The following NLRP3 variants were observed in gnomAD, a reference collection of about 807,000 sequenced individuals.
NLRP3 encodes NACHT, LRR and PYD domains-containing protein 3.
In NLRP3, 48 loss-of-function variants were observed where a neutral mutation model predicts 91.3. That is an observed-to-expected ratio of 0.53 (90% CI 0.42 to 0.67). The LOEUF (loss-of-function observed/expected upper bound fraction) is 0.67, where lower values mean the gene tolerates loss of function less well. Among genes scored for constraint, NLRP3 ranks in the 30% least tolerant of loss-of-function variants. NLRP3 has a pLI of 0.00. For missense variants in NLRP3, 982 were observed against 1,276.9 expected, an observed-to-expected ratio of 0.77 and a Z score of 3.52; for synonymous variants, 561 against 507.9, an observed-to-expected ratio of 1.10 and a Z score of -1.41.
intron 9 of NLRP3, among the ~76,000 whole-genome samples, chr1:247,445,314 C>T: frequency 6.6e-6 from 1 of 152,170 alleles, no homozygotes; most frequent in Non-Finnish European, 1.5e-5. Flanking sequence ...CATTCTCCTG[C>T]CTCGGCCTCC....
Position 247,423,489 on chromosome 1 carries a change from T to G in NLRP3, c.397+140T>G, listed in dbSNP as rs1662621672. On this transcript the variant is annotated intron_variant, in intron 3 of 9. Coordinates refer to ENST00000336119, the MANE Select transcript of NLRP3 (RefSeq NM_001243133.2). Reference sequence around the variant, plus strand: ...CAAAGGCCTGTCTCAGGAAATCCATTGTCAGTTGAAGAAACAAATTCATGT... The same window carrying G: ...CAAAGGCCTGTCTCAGGAAATCCATGGTCAGTTGAAGAAACAAATTCATGT... 3 of 1,063,614 alleles carry G rather than the reference T, an allele frequency of 2.8e-6. No individual in the cohort carries two copies. In the Admixed American group the frequency reaches 5.6e-5, roughly 20 times the overall value. 65.9% of individuals were successfully genotyped at this position (1,063,614 alleles called of 1,614,324 possible).
chr1:247,441,450 G>A (rs993694913), intron 7 of NLRP3, among the ~76,000 whole-genome samples: 3 of 152,168 alleles, frequency 2.0e-5, no homozygotes, highest in Middle Eastern at 3.4e-3. Context: ...ACAGGGTCTT[G>A]CTATGTTGCC....
rs1270726857 is a variant in NLRP3, at chr1:247,418,563, A to G, written c.-238A>G. ...GTGATCTGCCTGCCTTGGCCTCTCA[A>G]AGTGCTGGGATTACAGGCGTGAGCC... On this transcript the variant is annotated 5_prime_UTR_variant, in exon 2 of 10. Coordinates refer to ENST00000336119, the MANE Select transcript of NLRP3 (RefSeq NM_001243133.2). 1 of 518,170 alleles carries G rather than the reference A, an allele frequency of 1.9e-6. No homozygotes were observed. The highest frequency in any genetic ancestry group is 3.6e-5 in the East Asian group (1 of 27,736). 32.1% of individuals were successfully genotyped at this position (518,170 alleles called of 1,614,324 possible).
At chr1:247,435,247 A>G (rs368442839) in intron 6 of NLRP3, among the ~76,000 whole-genome samples, 1 of 152,292 alleles carries the variant, frequency 6.6e-6, no homozygotes, top group East Asian at 1.9e-4. Context: ...AAGCATTAAA[A>G]AAAACAGAAG....
At chr1:247,446,703 C>T (rs1188432912) in intron 9 of NLRP3, among the ~76,000 whole-genome samples, 1 of 152,024 alleles carries the variant, frequency 6.6e-6, no homozygotes, top group African/African-American at 2.4e-5. Flanking sequence ...TTCTCATTCT[C>T]CTCTGCAGTG....
intron 4 of NLRP3, 100 bp from the exon 5 acceptor site, chr1:247,429,485 G>C: frequency 7.7e-7 from 1 of 1,306,110 alleles, no homozygotes; most frequent in Non-Finnish European, 1.1e-6. Context: ...TCCCCGGAAG[G>C]CATTTCTCTG....
chr1:247,436,047 G>C lies in NLRP3; in HGVS notation c.2570G>C (p.Arg857Thr). 6.2e-7 allele frequency: 1 copy of C among 1,614,174 alleles called. No individual in the cohort carries two copies. Among genetic ancestry groups the C allele is most frequent in the Non-Finnish European group, 8.5e-7 (1 of 1,180,034 alleles). Residue 857 changes from arginine (R) to threonine (T), a missense_variant, in exon 7 of 10, where the codon AGA becomes ACA. Transcript: ENST00000336119. Reference sequence around the variant, plus strand: ...TTGAGCACCAGCCATTCCCTGACCAGACTCTATGTGGGGGAGAATGCCTTG... The same window carrying C: ...TTGAGCACCAGCCATTCCCTGACCACACTCTATGTGGGGGAGAATGCCTTG... ...SVLSTSHSLT[R>T]LYVGENALGD...
At chr1:247,423,470 C>T (rs768086012) in intron 3 of NLRP3, 121 bp downstream of exon 3, 3 of 1,180,930 alleles carry the variant, frequency 2.5e-6, no homozygotes, top group Non-Finnish European at 2.5e-6. Flanking sequence ...AATGCAAAGG[C>T]CTGTCTCAGG....
At chr1:247,444,213 T>A in intron 8 of NLRP3, 71 bp downstream of exon 8, 2 of 1,455,900 alleles carry the variant, frequency 1.4e-6, no homozygotes, top group Non-Finnish European at 1.9e-6. Flanking sequence ...TTAGGCAGAG[T>A]GGCCACAAGA....
chr1:247,425,241 ATC>A lies in NLRP3; in HGVS notation c.1797_1798del (p.Gln600AlafsTer11). On this transcript the variant is annotated frameshift_variant, in exon 4 of 10. Transcript: ENST00000336119. LOFTEE classifies it high-confidence loss of function. The surrounding 1 kb of genome is among the most constrained non-coding windows in gnomAD (Gnocchi z 4.1). ...SYLEKKLSCKISQQIRLELLK... is the reference protein window; with the variant it reads ...SYLEKKLSCKXSQQIRLELLK... ...CTTGGAGAAGAAATTAAGTTGCAAG[ATC>A]TCTCAGCAAATCAGGCTGGAGCTGC... 6.2e-7 allele frequency: 1 copy of A among 1,614,200 alleles called. No individual in the cohort carries two copies. The highest frequency in any genetic ancestry group is 8.5e-7 in the Non-Finnish European group (1 of 1,180,032).
chr1:247,437,812 C>T (rs962632759), intron 7 of NLRP3, among the ~76,000 whole-genome samples: 9 of 152,196 alleles, frequency 5.9e-5, no homozygotes, highest in African/African-American at 1.4e-4. Flanking sequence ...TCACGTTTGG[C>T]GAGTGCCTCT....
intron 7 of NLRP3, among the ~76,000 whole-genome samples, chr1:247,442,421 C>T (rs1353249699): frequency 6.6e-6 from 1 of 152,158 alleles, no homozygotes; most frequent in Non-Finnish European, 1.5e-5. Flanking sequence ...ATTACGCCAC[C>T]AGTGATTTTA....
chr1:247,444,531 C>T, intron 8 of NLRP3, 120 bp from the exon 9 acceptor site: 1 of 1,039,594 alleles, frequency 9.6e-7, no homozygotes, highest in African/African-American at 1.6e-5. Context: ...GCTAGTTAGT[C>T]CTGTGCTCCT....
chr1:247,423,099 C>A (rs1339292804), intron 2 of NLRP3, 131 bp from the exon 3 acceptor site: 1 of 1,302,532 alleles, frequency 7.7e-7, no homozygotes, highest in African/African-American at 1.5e-5. Context: ...CTGTCCTCTG[C>A]AACTCAGAGC....
Position 247,425,064 on chromosome 1 carries a change from G to A in NLRP3, c.1615G>A (p.Glu539Lys). Residue 539 changes from glutamate (E) to lysine (K), a missense_variant, in exon 4 of 10, where the codon GAA (glutamate) becomes AAA (lysine). By Grantham distance (56) the Glu-to-Lys change is moderately conservative. Transcript: ENST00000336119. This position sits in a 1 kb window ranked among gnomAD's most constrained non-coding sequence, Gnocchi z 4.1. ...GTACTACCTGCTGGAAGAGGAAAAGGAAGGAAGGACGAACGTTCCAGGGAG... is the reference window on the plus strand; with the variant it reads ...GTACTACCTGCTGGAAGAGGAAAAGAAAGGAAGGACGAACGTTCCAGGGAG... ...AMYYLLEEEK[E>K]GRTNVPGSRL... 6.2e-7 allele frequency: 1 copy of A among 1,614,190 alleles called. No homozygotes were observed. Among genetic ancestry groups the A allele is most frequent in the Non-Finnish European group, 8.5e-7 (1 of 1,180,028 alleles).
At chr1:247,434,358 G>A in intron 6 of NLRP3, 85 bp downstream of exon 6, 1 of 1,252,946 alleles carries the variant, frequency 8.0e-7, no homozygotes, top group Admixed American at 1.8e-5. Context: ...GTGGGCTGGG[G>A]TTTGAGTGAG....
chr1:247,443,896 G>A (rs1372064803), intron 7 of NLRP3, 76 bp from the exon 8 acceptor site: 37 of 1,428,488 alleles, frequency 2.6e-5, no homozygotes, highest in Non-Finnish European at 3.3e-5. Flanking sequence ...GAGAGGACGA[G>A]GCACTGAGTC....
rs1307841667 is a variant in NLRP3, at chr1:247,446,305, T to C, written c.3005+1484T>C. Among the ~76,000 whole-genome samples, 3 of 152,228 alleles carry C rather than the reference T, an allele frequency of 2.0e-5. No homozygotes were observed. In the South Asian group the frequency reaches 6.2e-4, roughly 31 times the overall value. ...TGACAGGTCACCCTGCATCTGTTAT[T>C]CTGATTTTAGCAGACAAGGGATTCA... is the stretch of plus-strand genomic sequence containing the variant. On this transcript the variant is annotated intron_variant, in intron 9 of 9. Transcript: ENST00000336119.
rs72082521 is a variant in NLRP3, at chr1:247,439,045, C to CATCCATCCATCCATCCATCCATCT, written c.2663+2920_2663+2921insCATCCATCTATCCATCCATCCATC. 4.9e-3 allele frequency among the ~76,000 whole-genome samples: 741 copies of CATCCATCCATCCATCCATCCATCT among 150,486 alleles called. 10 individuals carry two copies. The highest frequency in any genetic ancestry group is 6.7e-3 in the East Asian group (34 of 5,096). The stretch of plus-strand genomic sequence containing the variant: ...CCATCCATCCATCCATCCATCCATC[C>CATCCATCCATCCATCCATCCATCT]ATCCATCCATCCATCAATCCATCCA... On this transcript the variant is annotated intron_variant, in intron 7 of 9. Transcript: ENST00000336119.
Sources: gnomAD v4.1 joint callset for allele counts (sites outside exome capture counted in the v4.1 genomes callset) on GRCh38, gnomAD v4.1.1 for gene constraint, Gnocchi (gnomAD v3.1) non-coding constraint, MANE v1.5 for transcripts, NCBI Gene and HGNC (gene_info 2026-07-23, HGNC 2026-07-21) for gene names.